SAFB2: variants seen among roughly 807,000 people sequenced by gnomAD.
SAFB2 encodes the protein scaffold attachment factor B2.
Under a neutral mutation model 100.6 loss-of-function variants are expected in SAFB2, and 32 were observed. The observed-to-expected ratio is 0.32, with a 90% CI of 0.24 to 0.43. The LOEUF (loss-of-function observed/expected upper bound fraction) is 0.43, where lower values mean the gene tolerates loss of function less well. Among genes scored for constraint, SAFB2 ranks in the 20% least tolerant of loss-of-function variants. The probability of loss-of-function intolerance (pLI) is 1.00; values close to 1 mark genes in which losing one functional copy is unlikely to be tolerated. For missense variants in SAFB2, 1,185 were observed against 1,163.4 expected (o/e 1.02, Z -0.27); for synonymous variants, 500 against 439.4 (o/e 1.14, Z -1.72).
intron 15 of SAFB2, 67 bp from the exon 16 acceptor site, chr19:5,592,954 G>A: frequency 6.6e-7 from 1 of 1,512,176 alleles, no homozygotes; most frequent in Non-Finnish European, 9.1e-7. Flanking sequence ...AAAAGGAGGA[G>A]GTGGAGGTGG....
At chr19:5,604,047 T>C (rs1489873084) in intron 11 of SAFB2, among the ~76,000 whole-genome samples, 1 of 152,210 alleles carries the variant, frequency 6.6e-6, no homozygotes, top group East Asian at 1.9e-4. Flanking sequence ...AGGAAACAAA[T>C]ACATGCTGAG....
chr19:5,595,599 C>T, intron 13 of SAFB2, 102 bp from the exon 14 acceptor site: 1 of 1,419,208 alleles, frequency 7.0e-7, no homozygotes, highest in South Asian at 1.3e-5. Context: ...TCTGGCCCCA[C>T]ATGGTGTAGA....
Position 5,622,662 on chromosome 19 carries a change from G to A in SAFB2, c.54C>T (p.Leu18=), listed in dbSNP as rs772426711. 8.1e-6 allele frequency: 13 copies of A among 1,607,954 alleles called. No homozygotes were observed. The highest frequency in any genetic ancestry group is 1.6e-4 in the Middle Eastern group (1 of 6,082). Residue 18 remains leucine (L), a synonymous_variant, in exon 1 of 21, where the codon CTC becomes CTT. Coordinates refer to ENST00000252542, the MANE Select transcript of SAFB2 (RefSeq NM_014649.3). ...TCCCAGTCTCCGCAACGCCCGGGCCGAGAGAAGCCGTGCCAGGGCCCGAGT... is the reference window on the plus strand; with the variant it reads ...TCCCAGTCTCCGCAACGCCCGGGCCAAGAGAAGCCGTGCCAGGGCCCGAGT... The part of the protein sequence containing the change: ...SGDSGPGTAS[L]GPGVAETGTR...
Position 5,600,556 on chromosome 19 carries a change from C to T in SAFB2, c.1560-296G>A, listed in dbSNP as rs1297415081. Among the ~76,000 whole-genome samples the T allele has an allele frequency of 2.6e-5, 4 of 152,150 alleles. No individual in the cohort carries two copies. The East Asian group carries it at 7.7e-4, about 29-fold the overall frequency. On this transcript the variant is annotated intron_variant, in intron 11 of 20. Transcript: ENST00000252542. Reference sequence around the variant, plus strand: ...CACGCAAGAGTGGTGTGCAGGTGGACATGAGAAACACGCCAACTACATAAG... The same window carrying T: ...CACGCAAGAGTGGTGTGCAGGTGGATATGAGAAACACGCCAACTACATAAG...
At chr19:5,607,789 C>G (rs1368995645) in intron 9 of SAFB2, among the ~76,000 whole-genome samples, 4 of 152,172 alleles carry the variant, frequency 2.6e-5, no homozygotes, top group African/African-American at 7.2e-5. Context: ...ACCTCATGGC[C>G]CCAACTGTGA....
At chr19:5,606,353 C>T (rs777350379) in intron 9 of SAFB2, among the ~76,000 whole-genome samples, 1 of 152,228 alleles carries the variant, frequency 6.6e-6, no homozygotes, top group Non-Finnish European at 1.5e-5. Flanking sequence ...AGGCTGGGCA[C>T]AGTGGCTCAT....
chr19:5,592,747 C>G lies in SAFB2; in HGVS notation c.2348G>C (p.Arg783Thr). ...RGQYQDHAID[R>T]REGSRPMMGD... ...TAAAGGAGGGGACAAGACCACTGAC[C>G]TGTCGATGGCGTGGTCCTGGTACTG... Residue 783 changes from arginine to threonine, a missense_variant and splice_region_variant, in exon 16 of 21, where the codon AGG (arginine) becomes ACG (threonine). Around this residue, in one of 3 missense-constraint regions of SAFB2, gnomAD observed 740 missense variants for 687.1 expected, o/e 1.08. Coordinates refer to ENST00000252542, the MANE Select transcript of SAFB2 (RefSeq NM_014649.3). 6.2e-7 allele frequency: 1 copy of G among 1,614,038 alleles called. No individual in the cohort carries two copies. Among genetic ancestry groups the G allele is most frequent in the South Asian group, 1.1e-5 (1 of 91,054 alleles).
intron 12 of SAFB2, 116 bp from the exon 13 acceptor site, chr19:5,599,000 T>C (rs1356249784): frequency 2.3e-6 from 2 of 852,012 alleles, no homozygotes; most frequent in South Asian, 2.9e-5. Context: ...GTCAAGTGAC[T>C]GACACTAGCC....
chr19:5,601,991 G>T (rs1237015590), intron 11 of SAFB2, among the ~76,000 whole-genome samples: 1 of 152,104 alleles, frequency 6.6e-6, no homozygotes, highest in Non-Finnish European at 1.5e-5. Context: ...ATCCAAGATG[G>T]CAAAGGCTAG....
At position 5,587,749 on chromosome 19, in the gene SAFB2, G is replaced by C. The variant is rs1403659927; in HGVS notation, c.2657C>G (p.Ser886Cys). Residue 886 changes from serine (S) to cysteine (C), a missense_variant, in exon 20 of 21, where the codon TCT (serine) becomes TGT (cysteine). By Grantham distance (112) the Ser-to-Cys change is moderately radical. Transcript: ENST00000252542. The surrounding 1 kb of genome is among the most constrained non-coding windows in gnomAD (Gnocchi z 4.9). ...CATGTGCCCCGGCCCCGAGGGCCCA[G>C]ACAGGCCCCTCTCGCCACCTAGAAG... ...ARWQGGERGL[S>C]GPSGPGHMAS... 6.4e-7 allele frequency: 1 copy of C among 1,552,630 alleles called. No individual in the cohort carries two copies. Among genetic ancestry groups the C allele is most frequent in the East Asian group, 2.4e-5 (1 of 41,018 alleles).
Position 5,616,643 on chromosome 19 carries a change from CTTTTTTTTT to C in SAFB2, c.275-166_275-158del, listed in dbSNP as rs60033130. Among the ~76,000 whole-genome samples the C allele has an allele frequency of 8.8e-3, 644 of 72,842 alleles. 3 individuals are homozygous for C. The highest frequency in any genetic ancestry group is 0.032 in the African/African-American group (545 of 17,284). 47.8% of individuals were successfully genotyped at this position (72,842 alleles called of 152,430 possible). ...ACGTAATTTTGTCTCAATTTGTTTT[CTTTTTTTTT>C]TTTTTTTTTTTTTTTTTGAGATGGA... On this transcript the variant is annotated intron_variant, in intron 2 of 20. Transcript: ENST00000252542.
rs532450171 is a variant in SAFB2 at position 5,612,516 on chromosome 19, C to G, written c.634+24G>C. The G allele has an allele frequency of 6.2e-6, 10 of 1,605,780 alleles. No individual in the cohort carries two copies. The African/African-American group carries it at 1.3e-4, about 21-fold the overall frequency. Reference sequence around the variant, plus strand: ...TAGTGTGAAAACTTTCAAACCATAACTGTCGTGTTTCTCTTATCAGTACCT... The same window carrying G: ...TAGTGTGAAAACTTTCAAACCATAAGTGTCGTGTTTCTCTTATCAGTACCT... On this transcript the variant is annotated intron_variant, in intron 6 of 20. Coordinates refer to ENST00000252542, the MANE Select transcript of SAFB2 (RefSeq NM_014649.3).
Position 5,587,895 on chromosome 19 carries a change from C to A in SAFB2, c.2611G>T (p.Ala871Ser), listed in dbSNP as rs756613545. Reference protein sequence around the residue: ...AWQGAMDAGAASREHARWQGG... With the variant: ...AWQGAMDAGASSREHARWQGG... ...TGCCACCTGGCGTGCTCCCGGCTAG[C>A]CGCGCCTGCGTCCATGGCACCCTGC... The change falls in exon 19 of 21, where the codon GCT becomes TCT. Residue 871 changes from alanine to serine, a missense_variant. Ala to Ser is a moderately conservative substitution (Grantham distance 99). Transcript: ENST00000252542. This position sits in a 1 kb window ranked among gnomAD's most constrained non-coding sequence, Gnocchi z 4.9. 1 of 1,612,112 alleles carries A rather than the reference C, an allele frequency of 6.2e-7. No homozygotes were observed. Among genetic ancestry groups the A allele is most frequent in the Admixed American group, 1.7e-5 (1 of 59,912 alleles).
chr19:5,611,244 C>T lies in SAFB2; in HGVS notation c.1021G>A (p.Ala341Thr). The T allele has an allele frequency of 4.9e-6, 2 of 407,594 alleles. No homozygotes were observed. The highest frequency in any genetic ancestry group is 7.8e-5 in the East Asian group (2 of 25,606). 25.2% of individuals were successfully genotyped at this position (407,594 alleles called of 1,614,324 possible). A position where few individuals can be genotyped will look rare whatever the true frequency, so the allele number is the denominator to read the frequency against. The change falls in exon 7 of 21, where the codon GCC (alanine) becomes ACC (threonine). Residue 341 changes from alanine (A) to threonine (T), a missense_variant. Physicochemically the swap from Ala to Thr is moderately conservative, Grantham distance 58 (BLOSUM62 0). This residue lies in a region of SAFB2 where 351 missense variants were observed against 341.2 expected (regional missense o/e 1.03). Transcript: ENST00000252542. ...CTATCTCTGGCTTCTGGGCTTGGGG[C>T]TTCCGTGGGTGCTTCTGCGAGCTCC... ...SEELAEAPTEAPSPEARDSKE... is the reference protein window; with the variant it reads ...SEELAEAPTETPSPEARDSKE...
chr19:5,619,306 G>A (rs146549727), intron 2 of SAFB2, among the ~76,000 whole-genome samples: 178 of 152,254 alleles, frequency 1.2e-3, no homozygotes, highest in Admixed American at 3.3e-3. Context: ...CTCTGGGCTT[G>A]GTTACTTCTC....
At chr19:5,615,804 C>T (rs1003344888) in intron 4 of SAFB2, among the ~76,000 whole-genome samples, 2 of 152,212 alleles carry the variant, frequency 1.3e-5, no homozygotes, top group Non-Finnish European at 2.9e-5. Context: ...TCAGGAGGAT[C>T]GCTGGAGCCC....
intron 11 of SAFB2, among the ~76,000 whole-genome samples, chr19:5,604,247 T>C (rs1381511315): frequency 6.6e-6 from 1 of 152,122 alleles, no homozygotes; most frequent in Non-Finnish European, 1.5e-5. Context: ...CGCGTCTCTA[T>C]AAAAAGTAGC....
intron 18 of SAFB2, 22 bp downstream of exon 18, chr19:5,590,256 C>A (rs117819134): frequency 0.016 from 25,000 of 1,549,274 alleles, 284 homozygotes; most frequent in Admixed American, 0.025. Context: ...GCTCCCCACC[C>A]GGCTGGGGCT....
intron 18 of SAFB2, among the ~76,000 whole-genome samples, chr19:5,589,701 C>T (rs1430899887): frequency 6.6e-6 from 1 of 152,176 alleles, no homozygotes; most frequent in African/African-American, 2.4e-5. Flanking sequence ...CCCACCAATG[C>T]TGACAAGGCT....
Sources: gnomAD v4.1 joint callset for allele counts (sites outside exome capture counted in the v4.1 genomes callset) on GRCh38, gnomAD v4.1.1 for gene constraint, gnomAD v4.1.1 regional missense constraint, Gnocchi (gnomAD v3.1) non-coding constraint, MANE v1.5 for transcripts, NCBI Gene and HGNC (gene_info 2026-07-23, HGNC 2026-07-21) for gene names.